FRZB: variants seen among roughly 807,000 people sequenced by gnomAD.
The protein encoded by FRZB is frizzled related protein.
FRZB carries 34 observed loss-of-function variants against 32.5 expected under a neutral mutation model. The ratio of observed to expected loss-of-function variants is 1.05; its 90% CI spans 0.80 to 1.39. The LOEUF (loss-of-function observed/expected upper bound fraction) is 1.39, where lower values mean the gene tolerates loss of function less well. Ranked by LOEUF, FRZB falls within the 40% of genes most tolerant of loss-of-function variation. The pLI, the probability that FRZB is intolerant of heterozygous loss-of-function variation, is 0.00. For missense variants in FRZB, 423 were observed against 424.8 expected (o/e 1.00, Z 0.04); for synonymous variants, 170 against 159.2 (o/e 1.07, Z -0.51).
At chr2:182,840,469 A>G (rs79257637) in intron 3 of FRZB, among the ~76,000 whole-genome samples, 3,959 of 152,240 alleles carry the variant, frequency 0.026, 140 homozygotes, top group African/African-American at 0.085. Context: ...TTTTCACTCA[A>G]GTAATTTGGT....
intron 2 of FRZB, among the ~76,000 whole-genome samples, chr2:182,854,236 T>C (rs1695741671): frequency 6.6e-6 from 1 of 152,214 alleles, no homozygotes; most frequent in African/African-American, 2.4e-5. Flanking sequence ...TGCACATTTA[T>C]GATTTGTGCA....
At chr2:182,839,726 A>C (rs1364298262) in intron 3 of FRZB, among the ~76,000 whole-genome samples, 1 of 152,074 alleles carries the variant, frequency 6.6e-6, no homozygotes, top group African/African-American at 2.4e-5. Flanking sequence ...AGAAGTAAAA[A>C]TATCAGTAAA....
At position 182,866,008 on chromosome 2, in the gene FRZB, G is replaced by GT; in HGVS notation, c.478+66dup. Reference sequence around the variant, plus strand: ...GAAAAAAATTAGAGAGTAAAGGCTAGTAACAAGGACTCCAAGAATTGAGGA... The same window carrying GT: ...GAAAAAAATTAGAGAGTAAAGGCTAGTTAACAAGGACTCCAAGAATTGAGGA... On this transcript the variant is annotated intron_variant, in intron 1 of 5. Coordinates refer to ENST00000295113, the MANE Select transcript of FRZB (RefSeq NM_001463.4). The surrounding 1 kb of genome is among the most constrained non-coding windows in gnomAD (Gnocchi z 4.5). The GT allele has an allele frequency of 7.8e-7, 1 of 1,278,582 alleles. No homozygotes were observed. Among genetic ancestry groups the GT allele is most frequent in the Middle Eastern group, 2.0e-4 (1 of 5,034 alleles). 79.2% of individuals were successfully genotyped at this position (1,278,582 alleles called of 1,614,324 possible). A position where few individuals can be genotyped will look rare whatever the true frequency, so the allele number is the denominator to read the frequency against.
rs147413953 is a variant in FRZB, at chr2:182,853,400, A to C, written c.526+5386T>G. Reference sequence around the variant, plus strand: ...TACATGTCCTTGGCCAGAAATTTTGACCCACCAATTGCAGTTTTATACAAA... The same window carrying C: ...TACATGTCCTTGGCCAGAAATTTTGCCCCACCAATTGCAGTTTTATACAAA... On this transcript the variant is annotated intron_variant, in intron 2 of 5. Transcript: ENST00000295113. 5.3e-3 allele frequency among the ~76,000 whole-genome samples: 803 copies of C among 152,242 alleles called. 16 individuals are homozygous for C. Among genetic ancestry groups the C allele is most frequent in the African/African-American group, 0.018 (758 of 41,544 alleles).
chr2:182,838,577 C>T lies in FRZB; in HGVS notation c.629G>A (p.Cys210Tyr), dbSNP rs752372440. ...CTCCACTACTGCAGTCACATCATGG[C>T]ACTTAGTCTTTATCTCTTTAACTTT... ...RAKVKEIKTK[C>Y]HDVTAVVEVK... Residue 210 changes from cysteine to tyrosine, a missense_variant, in exon 4 of 6, where the codon TGC (cysteine) becomes TAC (tyrosine). Cys to Tyr is a radical substitution (Grantham distance 194). Coordinates refer to ENST00000295113, the MANE Select transcript of FRZB (RefSeq NM_001463.4). 2 of 1,612,780 alleles carry T rather than the reference C, an allele frequency of 1.2e-6. No homozygotes were observed. The highest frequency in any genetic ancestry group is 8.5e-7 in the Non-Finnish European group (1 of 1,179,094).
At chr2:182,859,035 T>C (rs1222552201) in intron 1 of FRZB, among the ~76,000 whole-genome samples, 2 of 152,112 alleles carry the variant, frequency 1.3e-5, no homozygotes, top group Non-Finnish European at 2.9e-5. Context: ...CATGTGGTTA[T>C]AAGGAAATAC....
chr2:182,845,342 C>A (rs963950083), intron 2 of FRZB, among the ~76,000 whole-genome samples: 6 of 152,096 alleles, frequency 3.9e-5, no homozygotes, highest in African/African-American at 1.4e-4. Flanking sequence ...TCTTGATACT[C>A]TTTTTGGGGG....
chr2:182,857,862 C>T (rs1267962027), intron 2 of FRZB, among the ~76,000 whole-genome samples: 1 of 152,014 alleles, frequency 6.6e-6, no homozygotes, highest in Non-Finnish European at 1.5e-5. Context: ...GAACATTTTA[C>T]CAAAAAGCAT....
intron 2 of FRZB, among the ~76,000 whole-genome samples, chr2:182,856,411 G>A (rs1244122057): frequency 6.6e-6 from 1 of 151,664 alleles, no homozygotes; most frequent in Non-Finnish European, 1.5e-5. Context: ...AGAAAGAAGA[G>A]AATGTGAATA....
intron 1 of FRZB, among the ~76,000 whole-genome samples, chr2:182,863,910 C>T (rs1695861491): frequency 6.6e-6 from 1 of 152,154 alleles, no homozygotes; most frequent in Non-Finnish European, 1.5e-5. Context: ...CCACCTCCCC[C>T]CACCTTTGAG....
At chr2:182,858,355 T>C (rs1366508411) in intron 2 of FRZB, among the ~76,000 whole-genome samples, 4 of 152,196 alleles carry the variant, frequency 2.6e-5, no homozygotes, top group African/African-American at 9.6e-5. Context: ...AGCAATTGGT[T>C]AAGTCTCAAA....
intron 1 of FRZB, among the ~76,000 whole-genome samples, chr2:182,859,169 A>C (rs1695803143): frequency 6.6e-6 from 1 of 152,052 alleles, no homozygotes; most frequent in African/African-American, 2.4e-5. Flanking sequence ...GCACTCATCC[A>C]ACACTTATGA....
chr2:182,860,706 GA>G (rs1267848694), intron 1 of FRZB, among the ~76,000 whole-genome samples: 3 of 152,018 alleles, frequency 2.0e-5, no homozygotes, highest in African/African-American at 7.2e-5. Context: ...ATCTCTAACA[GA>G]AATACAAAAA....
At position 182,833,453 on chromosome 2, in the gene FRZB, G is replaced by A. The variant is rs1024529944; in HGVS notation, c.*1396C>T. On this transcript the variant is annotated 3_prime_UTR_variant, in exon 6 of 6. Transcript: ENST00000295113. ...GCCATTTACGATGGGGTTACATCTG[G>A]ATAAACCCATTCGAAACTGAAAATA... 2.0e-5 allele frequency: 3 copies of A among 152,110 alleles called. No homozygotes were observed. The highest frequency in any genetic ancestry group is 7.2e-5 in the African/African-American group (3 of 41,408). 9.4% of individuals were successfully genotyped at this position (152,110 alleles called of 1,614,324 possible).
Position 182,840,077 on chromosome 2 carries a change from C to CTCAAGTAT in FRZB, c.593-1465_593-1464insATACTTGA, listed in dbSNP as rs1695571010. ...CTAAAAGCTTCACATTTCAGTCTTC[C>CTCAAGTAT]GAGAATTAGTTGCCTCAAGTATGAG... On this transcript the variant is annotated intron_variant, in intron 3 of 5. Transcript: ENST00000295113. 3.9e-5 allele frequency among the ~76,000 whole-genome samples: 6 copies of CTCAAGTAT among 152,180 alleles called. No homozygotes were observed. In the East Asian group the frequency reaches 1.2e-3, roughly 29 times the overall value.
Position 182,834,896 on chromosome 2 carries a change from T to G in FRZB, c.931A>C (p.Ser311Arg). 4 of 1,613,528 alleles carry G rather than the reference T, an allele frequency of 2.5e-6. No individual in the cohort carries two copies. The South Asian group carries it at 4.4e-5, about 18-fold the overall frequency. ...SDSSNSDSTQ[S>R]QKSGRNSNPR... ...TTCGAGTTCCTGCCAGACTTCTGACTCTGAGTGGAATCACTATTGCTAGAA... is the reference window on the plus strand; with the variant it reads ...TTCGAGTTCCTGCCAGACTTCTGACGCTGAGTGGAATCACTATTGCTAGAA... The change falls in exon 6 of 6, where the codon AGT (serine) becomes CGT (arginine). Residue 311 changes from serine (S) to arginine (R), a missense_variant. Ser to Arg is a moderately radical substitution (Grantham distance 110). Transcript: ENST00000295113.
chr2:182,836,748 T>A (rs1215816174), intron 5 of FRZB, among the ~76,000 whole-genome samples: 1 of 152,026 alleles, frequency 6.6e-6, no homozygotes, highest in African/African-American at 2.4e-5. Flanking sequence ...TCCAACATAC[T>A]GAACAAGAGC....
intron 2 of FRZB, among the ~76,000 whole-genome samples, chr2:182,856,949 T>G (rs1212227777): frequency 6.6e-6 from 1 of 151,950 alleles, no homozygotes; most frequent in Non-Finnish European, 1.5e-5. Context: ...AATAACAGTA[T>G]TAATCAACTA....
rs147974594 is a variant in FRZB, at chr2:182,848,948, C to A, written c.527-6405G>T. On this transcript the variant is annotated intron_variant, in intron 2 of 5. Transcript: ENST00000295113. The stretch of plus-strand genomic sequence containing the variant: ...CAATTTAAAGAAATGTTCTTTAGGC[C>A]GGGGTGCGGTGGCTCACGTCTGTAA... 1.8e-3 allele frequency among the ~76,000 whole-genome samples: 272 copies of A among 152,200 alleles called. 2 individuals carry two copies. The highest frequency in any genetic ancestry group is 6.1e-3 in the African/African-American group (255 of 41,506).
Sources: allele counts gnomAD v4.1 joint callset (sites outside exome capture counted in the v4.1 genomes callset), GRCh38; gene constraint gnomAD v4.1.1; non-coding constraint Gnocchi (gnomAD v3.1); transcripts MANE v1.5; gene names NCBI Gene and HGNC (gene_info 2026-07-23, HGNC 2026-07-21).